The following ENO4 variants were observed in gnomAD, a reference collection of about 807,000 sequenced individuals.
The protein encoded by ENO4 is enolase 4.
In ENO4, 53 loss-of-function variants were observed where a neutral mutation model predicts 63.2. The observed-to-expected ratio is 0.84, with a 90% CI of 0.67 to 1.05. The LOEUF (loss-of-function observed/expected upper bound fraction) is 1.05. Ranked by LOEUF, ENO4 falls within the 50% of genes least tolerant of loss-of-function variation. The pLI is 0.00. For missense variants in ENO4, 719 were observed against 772.0 expected (o/e 0.93, Z 0.81); for synonymous variants, 266 against 283.8 (o/e 0.94, Z 0.63).
chr10:116,908,502 T>C (rs1282399293), intron 10 of ENO4, among the ~76,000 whole-genome samples: 1 of 152,142 alleles, frequency 6.6e-6, no homozygotes, highest in African/African-American at 2.4e-5. Context: ...TATTCCCATA[T>C]CATTTGTATT....
At chr10:116,908,068 GATT>G (rs1848045462) in intron 10 of ENO4, among the ~76,000 whole-genome samples, 1 of 152,142 alleles carries the variant, frequency 6.6e-6, no homozygotes, top group Non-Finnish European at 1.5e-5. Flanking sequence ...TCTATTAAGA[GATT>G]ATGTTATTTT....
intron 1 of ENO4, chr10:116,849,966 G>A (rs1220553876): frequency 1.4e-5 from 10 of 697,268 alleles, no homozygotes; most frequent in Non-Finnish European, 2.6e-5. Context: ...GAAAGAGGGC[G>A]CTAGGCGTAT....
At chr10:116,854,206 T>C (rs1395219506) in intron 1 of ENO4, among the ~76,000 whole-genome samples, 1 of 152,148 alleles carries the variant, frequency 6.6e-6, no homozygotes. Context: ...GATGGTAAGA[T>C]ACAGCCGTCA....
intron 3 of ENO4, among the ~76,000 whole-genome samples, chr10:116,858,526 C>T (rs1437162657): frequency 6.6e-6 from 1 of 152,080 alleles, no homozygotes; most frequent in Non-Finnish European, 1.5e-5. Flanking sequence ...TACATAAATG[C>T]ATCTAAGTGG....
At chr10:116,879,253 T>C (rs565789673) in intron 11 of ENO4, 38 bp from the exon 12 acceptor site, 15 of 1,477,854 alleles carry the variant, frequency 1.0e-5, no homozygotes, top group African/African-American at 7.0e-5. Context: ...ATCCTAACTT[T>C]CTACACCATA....
At chr10:116,894,887 T>C (rs986732050) in intron 10 of ENO4, among the ~76,000 whole-genome samples, 2 of 152,218 alleles carry the variant, frequency 1.3e-5, no homozygotes, top group African/African-American at 2.4e-5. Context: ...CTCTTAAGCC[T>C]CTGCCTGACT....
At chr10:116,885,462 A>G (rs753347254), downstream of ENO4, 4 of 152,644 alleles carry the variant, frequency 2.6e-5, no homozygotes, top group Non-Finnish European at 4.4e-5. Context: ...AAAAAAAACA[A>G]CAACAAACCT....
intron 4 of ENO4, 38 bp from the exon 5 acceptor site, chr10:116,860,756 T>G (rs753107358): frequency 7.8e-7 from 1 of 1,281,262 alleles, no homozygotes; most frequent in Admixed American, 3.3e-5. Flanking sequence ...GTAAAGCATT[T>G]AGAAATACAG....
chr10:116,856,533 T>TGAGAATGC lies in ENO4; in HGVS notation c.337_344dup (p.Leu116ArgfsTer19). 1 of 1,535,788 alleles carries TGAGAATGC rather than the reference T, an allele frequency of 6.5e-7. No homozygotes were observed. Among genetic ancestry groups the TGAGAATGC allele is most frequent in the Middle Eastern group, 1.7e-4 (1 of 5,988 alleles). On this transcript the variant is annotated frameshift_variant, in exon 3 of 14. Transcript: ENST00000341276. LOFTEE classifies it high-confidence loss of function. ...TGATCTCGACTCATTTTGAAGTCCA[T>TGAGAATGC]GAGAATGCTCTGCCCGAGCTGGCCA...
At chr10:116,856,147 C>T (rs1056945164) in intron 2 of ENO4, among the ~76,000 whole-genome samples, 6 of 152,102 alleles carry the variant, frequency 3.9e-5, no homozygotes, top group Non-Finnish European at 7.4e-5. Context: ...TTTAACAATT[C>T]GTTTTAATTC....
chr10:116,852,537 C>T (rs1846117857), intron 1 of ENO4, among the ~76,000 whole-genome samples: 1 of 152,168 alleles, frequency 6.6e-6, no homozygotes, highest in African/African-American at 2.4e-5. Context: ...TTTTGTAAGT[C>T]CCTCCCACAC....
At chr10:116,892,969 A>C (rs76323522) in intron 10 of ENO4, among the ~76,000 whole-genome samples, 3,126 of 152,364 alleles carry the variant, frequency 0.021, 109 homozygotes, top group African/African-American at 0.071. Context: ...TCTCTTAAAA[A>C]TCATAGGTGC....
Position 116,881,707 on chromosome 10 carries a change from A to G in ENO4, c.*38A>G. 7.1e-7 allele frequency: 1 copy of G among 1,399,656 alleles called. No homozygotes were observed. Among genetic ancestry groups the G allele is most frequent in the Non-Finnish European group, 9.4e-7 (1 of 1,069,514 alleles). The allele number at this position is 1,399,656 out of a possible 1,614,324, so 86.7% of individuals were successfully genotyped here. On this transcript the variant is annotated 3_prime_UTR_variant, in exon 14 of 14. Coordinates refer to ENST00000341276, the MANE Select transcript of ENO4 (RefSeq NM_001242699.2). ...CCCAGGTTCCAGCCACACCATCAGT[A>G]TTAGTAGACCGGGAGGTCTGAAGTA... is the stretch of plus-strand genomic sequence containing the variant.
chr10:116,901,953 T>G (rs1183488027), intron 10 of ENO4: 1 of 1,596,160 alleles, frequency 6.3e-7, no homozygotes, highest in Non-Finnish European at 8.5e-7. Flanking sequence ...ATATCCCAGT[T>G]GGACCTTAAA....
At chr10:116,871,395 T>G in intron 9 of ENO4, 103 bp downstream of exon 9, 1 of 1,059,228 alleles carries the variant, frequency 9.4e-7, no homozygotes, top group Non-Finnish European at 1.3e-6. Flanking sequence ...CAAACAGATC[T>G]TATTGTTTTT....
chr10:116,854,940 C>CAAAAAAAAAAAAAAAAAAA (rs71013620), intron 1 of ENO4, among the ~76,000 whole-genome samples: 9 of 41,524 alleles, frequency 2.2e-4, no homozygotes, highest in African/African-American at 2.4e-4. Context: ...GACCCTGTCT[C>CAAAAAAAAAAAAAAAAAAA]AAAAAAAAAA....
downstream of ENO4, chr10:116,883,004 T>A (rs1009259875): frequency 2.0e-5 from 3 of 146,722 alleles, no homozygotes; most frequent in African/African-American, 8.0e-5. Context: ...ACACACATCA[T>A]GAGACTATGC....
rs578136154 is a variant in ENO4 at position 116,855,514 on chromosome 10, G to C, written c.166-109G>C. 391 of 1,350,292 alleles carry C rather than the reference G, an allele frequency of 2.9e-4. No individual in the cohort carries two copies. The Middle Eastern group carries it at 4.3e-3, about 15-fold the overall frequency. The allele number at this position is 1,350,292 out of a possible 1,614,324, so 83.6% of individuals were successfully genotyped here. ...TCGCGGAGAGGTTTGGTAGAAACTA[G>C]AGTCAATGTGAATGACCTTTTGAAG... is the stretch of plus-strand genomic sequence containing the variant. On this transcript the variant is annotated intron_variant, in intron 1 of 13. Coordinates refer to ENST00000341276, the MANE Select transcript of ENO4 (RefSeq NM_001242699.2).
chr10:116,882,712 AC>A (rs1847054897), downstream of ENO4: 3 of 152,136 alleles, frequency 2.0e-5, no homozygotes, highest in Non-Finnish European at 1.5e-5. Context: ...CTAACAAGGG[AC>A]CTTAATTTCC....
Sources: gnomAD v4.1 joint callset for allele counts (sites outside exome capture counted in the v4.1 genomes callset) on GRCh38, gnomAD v4.1.1 for gene constraint, MANE v1.5 for transcripts, NCBI Gene and HGNC (gene_info 2026-07-23, HGNC 2026-07-21) for gene names.